The following SLX4IP variants were observed in gnomAD, a reference collection of about 807,000 sequenced individuals.
SLX4IP encodes the protein SLX4 interacting protein, also known as protein SLX4IP.
Under a neutral mutation model 32.9 loss-of-function variants are expected in SLX4IP, and 34 were observed. That is an observed-to-expected ratio of 1.03 (90% CI 0.79 to 1.38). The LOEUF is 1.38. SLX4IP is among the 40% of genes most tolerant of loss of function. The pLI, the probability that SLX4IP is intolerant of heterozygous loss-of-function variation, is 0.00. For synonymous variants in SLX4IP, 172 were observed against 171.7 expected (o/e 1.00, Z -0.01); for missense variants, 444 against 479.0 (o/e 0.93, Z 0.68).
At chr20:10,566,978 A>G (rs1012522374) in intron 4 of SLX4IP, among the ~76,000 whole-genome samples, 3 of 152,160 alleles carry the variant, frequency 2.0e-5, no homozygotes, top group Non-Finnish European at 4.4e-5. Flanking sequence ...TCTACCCACC[A>G]TCACTGGCCT....
At chr20:10,470,106 C>A (rs1326730051) in intron 2 of SLX4IP, among the ~76,000 whole-genome samples, 1 of 152,168 alleles carries the variant, frequency 6.6e-6, no homozygotes, top group Non-Finnish European at 1.5e-5. Context: ...TTTGGGACCC[C>A]AGTTCCGCCC....
At chr20:10,565,799 A>G (rs2066386196) in intron 4 of SLX4IP, among the ~76,000 whole-genome samples, 2 of 152,196 alleles carry the variant, frequency 1.3e-5, no homozygotes, top group Admixed American at 1.3e-4. Flanking sequence ...CCCAACTACA[A>G]AGGAAATGTG....
intron 2 of SLX4IP, among the ~76,000 whole-genome samples, chr20:10,473,662 G>A (rs915688743): frequency 2.6e-5 from 4 of 151,376 alleles, no homozygotes; most frequent in East Asian, 3.9e-4. Flanking sequence ...GAATGCAGTG[G>A]TGTAATCACG....
intron 4 of SLX4IP, among the ~76,000 whole-genome samples, chr20:10,578,269 A>C (rs986731063): frequency 4.6e-5 from 7 of 152,200 alleles, no homozygotes; most frequent in Non-Finnish European, 5.9e-5. Context: ...ACCAACCACC[A>C]GCTTACTTTC....
intron 2 of SLX4IP, among the ~76,000 whole-genome samples, chr20:10,548,826 G>A (rs115944089): frequency 0.011 from 1,631 of 152,294 alleles, 31 homozygotes; most frequent in African/African-American, 0.037. Context: ...ACCAAGTCTG[G>A]CACACAAGCG....
intron 1 of SLX4IP, among the ~76,000 whole-genome samples, chr20:10,437,801 A>T (rs76224190): frequency 0.068 from 10,368 of 152,332 alleles, 471 homozygotes; most frequent in Non-Finnish European, 0.1. Context: ...TCTAGTATTA[A>T]CATACCTCAT....
At chr20:10,480,412 A>G (rs1215911332) in intron 2 of SLX4IP, among the ~76,000 whole-genome samples, 1 of 152,084 alleles carries the variant, frequency 6.6e-6, no homozygotes, top group Admixed American at 6.6e-5. Flanking sequence ...TTCCAAAAAA[A>G]AAAAAGGAAA....
intron 2 of SLX4IP, among the ~76,000 whole-genome samples, chr20:10,478,765 C>T (rs2065494967): frequency 1.3e-5 from 2 of 152,100 alleles, no homozygotes; most frequent in Non-Finnish European, 2.9e-5. Flanking sequence ...CTGTGCTGGT[C>T]AAAGGTCAAT....
intron 6 of SLX4IP, among the ~76,000 whole-genome samples, chr20:10,617,957 A>C (rs1287149811): frequency 6.6e-6 from 1 of 152,150 alleles, no homozygotes; most frequent in Non-Finnish European, 1.5e-5. Flanking sequence ...TTCTAACTGC[A>C]TCTCAAATCA....
intron 2 of SLX4IP, among the ~76,000 whole-genome samples, chr20:10,497,271 C>T (rs2065675739): frequency 6.6e-6 from 1 of 152,088 alleles, no homozygotes; most frequent in Non-Finnish European, 1.5e-5. Context: ...TTTAGGTCAA[C>T]AGATATTTTC....
intron 5 of SLX4IP, among the ~76,000 whole-genome samples, chr20:10,600,306 G>A (rs542533306): frequency 6.6e-6 from 1 of 152,178 alleles, no homozygotes; most frequent in Non-Finnish European, 1.5e-5. Context: ...TTCCTCATGA[G>A]GAAGGCTAAT....
intron 1 of SLX4IP, among the ~76,000 whole-genome samples, chr20:10,441,236 A>G (rs2065157371): frequency 6.6e-6 from 1 of 152,086 alleles, no homozygotes; most frequent in Admixed American, 6.5e-5. Flanking sequence ...AGGACTTAGA[A>G]AACAGCCTGG....
intron 2 of SLX4IP, among the ~76,000 whole-genome samples, chr20:10,515,659 T>G (rs144699479): frequency 0.014 from 2,064 of 152,350 alleles, 53 homozygotes; most frequent in African/African-American, 0.047. Context: ...TGATGTCTTC[T>G]GGATGAAATT....
chr20:10,622,185 C>T (rs780014438), intron 7 of SLX4IP, among the ~76,000 whole-genome samples: 15 of 152,190 alleles, frequency 9.9e-5, no homozygotes, highest in Admixed American at 2.0e-4. Context: ...AAACCTGATA[C>T]CAGCTAAATG....
chr20:10,578,919 A>G (rs1233776423), intron 4 of SLX4IP, among the ~76,000 whole-genome samples: 1 of 152,114 alleles, frequency 6.6e-6, no homozygotes, highest in African/African-American at 2.4e-5. Context: ...TAATTGGGTT[A>G]TTAGTCTTTT....
intron 2 of SLX4IP, among the ~76,000 whole-genome samples, chr20:10,505,614 T>C (rs558206729): frequency 6.6e-6 from 1 of 152,324 alleles, no homozygotes; most frequent in East Asian, 1.9e-4. Context: ...AACCATTTCA[T>C]AGATCTTTTC....
intron 2 of SLX4IP, among the ~76,000 whole-genome samples, chr20:10,467,535 G>A (rs903504208): frequency 3.3e-5 from 5 of 152,122 alleles, no homozygotes; most frequent in Non-Finnish European, 7.4e-5. Context: ...TGTATTCCTT[G>A]TAAGAGCTTT....
At chr20:10,545,511 G>A (rs190534479) in intron 2 of SLX4IP, among the ~76,000 whole-genome samples, 3 of 152,242 alleles carry the variant, frequency 2.0e-5, no homozygotes, top group East Asian at 1.9e-4. Context: ...AAACAAAGCA[G>A]TACTCATACA....
chr20:10,581,451 C>G (rs938118748), intron 4 of SLX4IP, among the ~76,000 whole-genome samples: 2 of 152,066 alleles, frequency 1.3e-5, no homozygotes, highest in African/African-American at 4.8e-5. Context: ...ACAGAACGTG[C>G]CTGAGTTTGA....
Sources: allele counts gnomAD v4.1 joint callset (sites outside exome capture counted in the v4.1 genomes callset), GRCh38; gene constraint gnomAD v4.1.1; transcripts MANE v1.5; gene names NCBI Gene and HGNC (gene_info 2026-07-23, HGNC 2026-07-21).